Variants in DTWD1 observed in about 807,000 individuals in gnomAD.
The protein encoded by DTWD1 is DTW motif tRNA-uridine aminocarboxypropyltransferase 1.
A neutral mutation model predicts 30.2 loss-of-function variants in DTWD1; 27 were observed. That is an observed-to-expected ratio of 0.90 (90% CI 0.66 to 1.23). DTWD1 has a LOEUF of 1.23. Ranked by LOEUF, DTWD1 falls within the 50% of genes most tolerant of loss-of-function variation. The probability of loss-of-function intolerance (pLI) is 0.00; values close to 1 mark genes in which losing one functional copy is unlikely to be tolerated. For synonymous variants in DTWD1, 99 were observed against 113.1 expected, an observed-to-expected ratio of 0.88 and a Z score of 0.79; for missense variants, 342 against 348.8, an observed-to-expected ratio of 0.98 and a Z score of 0.15.
At chr15:49,622,987 A>G (rs1479804004) in intron 1 of DTWD1, among the ~76,000 whole-genome samples, 2 of 152,190 alleles carry the variant, frequency 1.3e-5, no homozygotes, top group South Asian at 2.1e-4. Context: ...CTGCAAAGTG[A>G]TATTTCTGAG....
Position 49,625,301 on chromosome 15 carries a change from A to C in DTWD1, c.134A>C (p.Glu45Ala). Residue 45 changes from glutamate (E) to alanine (A), a missense_variant, in exon 2 of 5, where the codon GAA (glutamate) becomes GCA (alanine). Glu to Ala is a moderately radical substitution (Grantham distance 107). Transcript: ENST00000403028. ...PLQNLCLASQ[E>A]VLQKAQQSGR... ...CAAAACTTATGTTTAGCATCTCAAG[A>C]AGTTCTTCAAAAAGCTCAGCAAAGT... 6.2e-7 allele frequency: 1 copy of C among 1,613,708 alleles called. No homozygotes were observed. Among genetic ancestry groups the C allele is most frequent in the Non-Finnish European group, 8.5e-7 (1 of 1,179,822 alleles).
At chr15:49,636,321 TAAAA>T (rs879364735) in intron 4 of DTWD1, among the ~76,000 whole-genome samples, 1 of 129,746 alleles carries the variant, frequency 7.7e-6, no homozygotes, top group Non-Finnish European at 1.7e-5. Flanking sequence ...GACACTTGTG[TAAAA>T]AAAAAAAAAA....
In DTWD1 at chr15:49,640,503, A is replaced by G. The variant is rs551488697; in HGVS notation, c.668-2828A>G. Among the ~76,000 whole-genome samples the G allele has an allele frequency of 3.9e-5, 6 of 152,232 alleles. No homozygotes were observed. In the South Asian group the frequency reaches 1.2e-3, roughly 32 times the overall value. On this transcript the variant is annotated intron_variant, in intron 4 of 4. Coordinates refer to ENST00000403028, the MANE Select transcript of DTWD1 (RefSeq NM_001144955.2). The stretch of plus-strand genomic sequence containing the variant: ...TGAGAATATTCACCTTTACAGGATA[A>G]TGCCAAATTGTTTTTCAAAGTGGAC...
At chr15:49,624,740 T>C (rs913120920) in intron 1 of DTWD1, among the ~76,000 whole-genome samples, 1 of 152,174 alleles carries the variant, frequency 6.6e-6, no homozygotes, top group Non-Finnish European at 1.5e-5. Flanking sequence ...ATTTTGCCAA[T>C]TCCACTAGAA....
In DTWD1 at chr15:49,625,152, T is replaced by C. The variant is rs950367854; in HGVS notation, c.-16T>C. The C allele has an allele frequency of 1.9e-6, 3 of 1,609,304 alleles. No individual in the cohort carries two copies. The highest frequency in any genetic ancestry group is 2.2e-5 in the East Asian group (1 of 44,750). On this transcript the variant is annotated 5_prime_UTR_variant, in exon 2 of 5. Transcript: ENST00000403028. The stretch of plus-strand genomic sequence containing the variant: ...GTGTTTTAGAAATAGCCGTTAAACT[T>C]TGGTTTGAATGAAGAATGTCTCTCA...
At chr15:49,635,832 A>G (rs1412876983) in intron 4 of DTWD1, among the ~76,000 whole-genome samples, 2 of 152,124 alleles carry the variant, frequency 1.3e-5, no homozygotes, top group Non-Finnish European at 2.9e-5. Flanking sequence ...TTGAGTAAGA[A>G]TTAACATGTA....
chr15:49,631,773 T>C, intron 2 of DTWD1, among the ~76,000 whole-genome samples: 1 of 151,942 alleles, frequency 6.6e-6, no homozygotes, highest in East Asian at 1.9e-4. Context: ...GATAAATAAA[T>C]AAAAATAAAA....
intron 2 of DTWD1, among the ~76,000 whole-genome samples, chr15:49,629,256 A>G (rs1434585865): frequency 5.3e-5 from 8 of 152,232 alleles, no homozygotes. Context: ...TCTCACGCTC[A>G]TGGAAAACTA....
Position 49,644,561 on chromosome 15 carries a change from A to G in DTWD1, c.*983A>G, listed in dbSNP as rs2079102719. The G allele has an allele frequency of 6.6e-6, 1 of 152,200 alleles. No homozygotes were observed. The allele number at this position is 152,200 out of a possible 1,614,324, so 9.4% of individuals were successfully genotyped here. ...TCTTGCTTTTGGTTGGGTTCAACAA[A>G]TGGGAAGCACCAGTGGGAGATTAGA... is the stretch of plus-strand genomic sequence containing the variant. On this transcript the variant is annotated 3_prime_UTR_variant, in exon 5 of 5. Coordinates refer to ENST00000403028, the MANE Select transcript of DTWD1 (RefSeq NM_001144955.2).
intron 4 of DTWD1, among the ~76,000 whole-genome samples, chr15:49,638,630 G>C (rs535691562): frequency 6.6e-6 from 1 of 152,172 alleles, no homozygotes; most frequent in East Asian, 1.9e-4. Context: ...TCGTCATTTC[G>C]TGAGATTAAT....
rs1567749257 is a variant in DTWD1, at chr15:49,646,816, A to T, written c.*3238A>T. 6.6e-6 allele frequency: 1 copy of T among 152,248 alleles called. No homozygotes were observed. The allele number at this position is 152,248 out of a possible 1,614,324, so 9.4% of individuals were successfully genotyped here. Reference sequence around the variant, plus strand: ...TTTGCATTTGCCTCCCATTATTGCCAGCCTCACTTCCTTTCTTCCTCGCTC... The same window carrying T: ...TTTGCATTTGCCTCCCATTATTGCCTGCCTCACTTCCTTTCTTCCTCGCTC... On this transcript the variant is annotated 3_prime_UTR_variant, in exon 5 of 5. Coordinates refer to ENST00000403028, the MANE Select transcript of DTWD1 (RefSeq NM_001144955.2).
Position 49,644,942 on chromosome 15 carries a change from A to G in DTWD1, c.*1364A>G. ...CCTTCTATTTCTTTTGGGGACTCTG[A>G]TAAATTCACCTGTTTGGGTGAAATA... On this transcript the variant is annotated 3_prime_UTR_variant, in exon 5 of 5. Transcript: ENST00000403028. The G allele has an allele frequency of 6.6e-6, 1 of 152,128 alleles. No individual in the cohort carries two copies. The highest frequency in any genetic ancestry group is 1.9e-4 in the East Asian group (1 of 5,194). The allele number at this position is 152,128 out of a possible 1,614,324, so 9.4% of individuals were successfully genotyped here. A position where few individuals can be genotyped will look rare whatever the true frequency, so the allele number is the denominator to read the frequency against.
At chr15:49,639,657 CTG>C (rs1317066563) in intron 4 of DTWD1, among the ~76,000 whole-genome samples, 1 of 152,092 alleles carries the variant, frequency 6.6e-6, no homozygotes, top group Non-Finnish European at 1.5e-5. Flanking sequence ...ATTCAAGAAA[CTG>C]AAATATTTAA....
intron 4 of DTWD1, among the ~76,000 whole-genome samples, chr15:49,641,366 G>A (rs1346129828): frequency 1.3e-5 from 2 of 151,888 alleles, no homozygotes; most frequent in East Asian, 1.9e-4. Flanking sequence ...GCCAAACAAT[G>A]TTTAACCTCT....
chr15:49,634,621 G>C lies in DTWD1; in HGVS notation c.494G>C (p.Arg165Thr). The C allele has an allele frequency of 6.2e-7, 1 of 1,613,778 alleles. No homozygotes were observed. Among genetic ancestry groups the C allele is most frequent in the Non-Finnish European group, 8.5e-7 (1 of 1,179,898 alleles). ...CAAAAAAGGATTCAAAATAATGTTA[G>C]AGGCAAAAATGATGACCCTGACAAG... ...HLQKRIQNNV[R>T]GKNDDPDKPS... The change falls in exon 4 of 5, where the codon AGA becomes ACA. Residue 165 changes from arginine (R) to threonine (T), a missense_variant. Physicochemically the swap from Arg to Thr is moderately conservative, Grantham distance 71. Coordinates refer to ENST00000403028, the MANE Select transcript of DTWD1 (RefSeq NM_001144955.2).
At position 49,634,683 on chromosome 15, in the gene DTWD1, T is replaced by G; in HGVS notation, c.556T>G (p.Phe186Val). The G allele has an allele frequency of 6.2e-7, 1 of 1,613,024 alleles. No homozygotes were observed. Residue 186 changes from phenylalanine (F) to valine (V), a missense_variant, in exon 4 of 5, where the codon TTC becomes GTC. Coordinates refer to ENST00000403028, the MANE Select transcript of DTWD1 (RefSeq NM_001144955.2). The stretch of plus-strand genomic sequence containing the variant: ...ACGCAAAAGAACTGAAGAACAAGAG[T>G]TCTGTGATTTGAATGACAGCAAGTG... ...FKRKRTEEQE[F>V]CDLNDSKCKG...
Position 49,625,225 on chromosome 15 carries a change from G to T in DTWD1, c.58G>T (p.Val20Leu). ...AAGTGAAGAAAATAGTTCAAAATTT[G>T]TGGAAACAAAACAGTCACAAACTAC... is the stretch of plus-strand genomic sequence containing the variant. ...KRSEENSSKF[V>L]ETKQSQTTSI... is the part of the protein sequence containing the mutation. Residue 20 changes from valine (V) to leucine (L), a missense_variant, in exon 2 of 5, where the codon GTG becomes TTG. Physicochemically the swap from Val to Leu is conservative, Grantham distance 32. Coordinates refer to ENST00000403028, the MANE Select transcript of DTWD1 (RefSeq NM_001144955.2). 2 of 1,613,380 alleles carry T rather than the reference G, an allele frequency of 1.2e-6. No homozygotes were observed. The highest frequency in any genetic ancestry group is 1.7e-6 in the Non-Finnish European group (2 of 1,179,628).
At position 49,647,896 on chromosome 15, in the gene DTWD1, CAG is replaced by C. The variant is rs1307881284; in HGVS notation, c.*4320_*4321del. 6.6e-6 allele frequency: 1 copy of C among 151,600 alleles called. No individual in the cohort carries two copies. Among genetic ancestry groups the C allele is most frequent in the African/African-American group, 2.4e-5 (1 of 41,326 alleles). 9.4% of individuals were successfully genotyped at this position (151,600 alleles called of 1,614,324 possible). ...AAAGAACAAGCAATAAAAAAGATCT[CAG>C]AAATTTAAAAAGTGATTGCTGAAAT... is the stretch of plus-strand genomic sequence containing the variant. On this transcript the variant is annotated 3_prime_UTR_variant, in exon 5 of 5. Transcript: ENST00000403028.
chr15:49,632,311 C>T lies in DTWD1; in HGVS notation c.408+9C>T. The T allele has an allele frequency of 6.4e-7, 1 of 1,573,764 alleles. No homozygotes were observed. Among genetic ancestry groups the T allele is most frequent in the Non-Finnish European group, 8.5e-7 (1 of 1,170,074 alleles). On this transcript the variant is annotated intron_variant, in intron 3 of 4. Coordinates refer to ENST00000403028, the MANE Select transcript of DTWD1 (RefSeq NM_001144955.2). ...AAGAAAAGGACCATGAAGTAGGCAA[C>T]TTAGTTTTTATAACTCTTCACATTG...
Sources: allele counts gnomAD v4.1 joint callset (sites outside exome capture counted in the v4.1 genomes callset), GRCh38; gene constraint gnomAD v4.1.1; transcripts MANE v1.5; gene names NCBI Gene and HGNC (gene_info 2026-07-23, HGNC 2026-07-21).